The following PDZRN4 variants were observed in gnomAD, a reference collection of about 807,000 sequenced individuals.
The protein encoded by PDZRN4 is PDZ domain-containing RING finger protein 4.
In PDZRN4, 70 loss-of-function variants were observed where a neutral mutation model predicts 99.0. The observed-to-expected ratio is 0.71, with a 90% CI of 0.58 to 0.86. The LOEUF (loss-of-function observed/expected upper bound fraction) is 0.86, where lower values mean the gene tolerates loss of function less well. Among genes scored for constraint, PDZRN4 ranks in the 40% least tolerant of loss-of-function variants. The pLI is 0.00. For missense variants in PDZRN4, 1,474 were observed against 1,331.2 expected (o/e 1.11, Z -1.67); for synonymous variants, 551 against 501.6 (o/e 1.10, Z -1.32).
intron 5 of PDZRN4, among the ~76,000 whole-genome samples, chr12:41,543,872 C>T (rs1688650080): frequency 6.6e-6 from 1 of 152,128 alleles, no homozygotes; most frequent in Non-Finnish European, 1.5e-5. Context: ...ATAAAATGCA[C>T]TCATTAGCTA....
chr12:41,513,720 C>T (rs767652923), intron 5 of PDZRN4, among the ~76,000 whole-genome samples: 32 of 151,912 alleles, frequency 2.1e-4, no homozygotes, highest in African/African-American at 4.8e-4. Flanking sequence ...CCAACCTCTA[C>T]TAGAAATAAT....
chr12:41,369,266 C>T (rs1440581175), intron 3 of PDZRN4, among the ~76,000 whole-genome samples: 4 of 152,048 alleles, frequency 2.6e-5, no homozygotes, highest in Non-Finnish European at 5.9e-5. Flanking sequence ...TTCAGTTTCT[C>T]AGAATGGTAT....
chr12:41,479,843 T>C lies in PDZRN4; in HGVS notation c.844-26613T>C, dbSNP rs568286204. Among the ~76,000 whole-genome samples, 45 of 152,342 alleles carry C rather than the reference T, an allele frequency of 3.0e-4. 1 individual carries two copies. The South Asian group carries it at 9.1e-3, about 31-fold the overall frequency. On this transcript the variant is annotated intron_variant, in intron 3 of 9. Coordinates refer to ENST00000402685, the MANE Select transcript of PDZRN4 (RefSeq NM_001164595.2). ...TGTATGCACATATTAAAATACTTTT[T>C]ATCCTTAAAACCACTCATTTGATCC...
At chr12:41,500,164 G>A (rs997744309) in intron 3 of PDZRN4, among the ~76,000 whole-genome samples, 11 of 151,956 alleles carry the variant, frequency 7.2e-5, no homozygotes, top group African/African-American at 2.7e-4. Flanking sequence ...CTCTCTTATA[G>A]GGAACATTGT....
chr12:41,496,997 G>A (rs993184127), intron 3 of PDZRN4, among the ~76,000 whole-genome samples: 11 of 152,150 alleles, frequency 7.2e-5, no homozygotes, highest in East Asian at 1.9e-4. Context: ...TATGACAGAC[G>A]CCCTGTTGTT....
intron 3 of PDZRN4, among the ~76,000 whole-genome samples, chr12:41,280,431 C>G (rs1030351693): frequency 2.6e-5 from 4 of 152,160 alleles, no homozygotes; most frequent in South Asian, 2.1e-4. Flanking sequence ...GCGGATCCCA[C>G]CCCCATGGAG....
At chr12:41,289,512 G>A (rs1417263521) in intron 3 of PDZRN4, among the ~76,000 whole-genome samples, 2 of 152,114 alleles carry the variant, frequency 1.3e-5, no homozygotes, top group Non-Finnish European at 2.9e-5. Context: ...GGGACTATTA[G>A]CAGCAGCACA....
At chr12:41,217,491 T>G (rs750728840) in intron 3 of PDZRN4, among the ~76,000 whole-genome samples, 1 of 152,092 alleles carries the variant, frequency 6.6e-6, no homozygotes, top group Non-Finnish European at 1.5e-5. Context: ...GTGCTGTCAT[T>G]TTTTAACATG....
At chr12:41,535,974 T>C (rs1272548969) in intron 5 of PDZRN4, among the ~76,000 whole-genome samples, 3 of 152,072 alleles carry the variant, frequency 2.0e-5, no homozygotes, top group Non-Finnish European at 4.4e-5. Context: ...TTGGGAGGGG[T>C]CCTGTGTGTT....
chr12:41,342,895 G>A (rs1354527942), intron 3 of PDZRN4, among the ~76,000 whole-genome samples: 1 of 151,832 alleles, frequency 6.6e-6, no homozygotes, highest in Non-Finnish European at 1.5e-5. Context: ...ACATAGAAGA[G>A]ACAACTACAC....
intron 1 of PDZRN4, among the ~76,000 whole-genome samples, chr12:41,191,168 A>C (rs1350560571): frequency 1.3e-5 from 2 of 152,240 alleles, no homozygotes; most frequent in African/African-American, 4.8e-5. Flanking sequence ...AATCAGATTT[A>C]GATACTGCAT....
chr12:41,322,077 G>T (rs1951681833), intron 3 of PDZRN4, among the ~76,000 whole-genome samples: 1 of 152,004 alleles, frequency 6.6e-6, no homozygotes, highest in South Asian at 2.1e-4. Flanking sequence ...CTTCACCCAG[G>T]CTGCAGTGCA....
chr12:41,255,039 C>T (rs1444876440), intron 3 of PDZRN4, among the ~76,000 whole-genome samples: 2 of 152,086 alleles, frequency 1.3e-5, no homozygotes, highest in African/African-American at 4.8e-5. Flanking sequence ...CACACAACTG[C>T]CCTCCAGCAT....
At position 41,193,983 on chromosome 12, in the gene PDZRN4, T is replaced by C. The variant is rs1288415982; in HGVS notation, c.736-98T>C. 7.7e-6 allele frequency: 5 copies of C among 648,038 alleles called. No individual in the cohort carries two copies. In the East Asian group the frequency reaches 1.4e-4, roughly 18 times the overall value. The allele number at this position is 648,038 out of a possible 1,614,324, so 40.1% of individuals were successfully genotyped here. ...AATCCCCAGCTAAGAGAGTTGCAGG[T>C]TTACAGAGGATTGGTAATGTTACAT... On this transcript the variant is annotated intron_variant, in intron 2 of 9. Transcript: ENST00000402685.
chr12:41,390,157 G>A (rs1279569367), intron 3 of PDZRN4, among the ~76,000 whole-genome samples: 1 of 152,074 alleles, frequency 6.6e-6, no homozygotes, highest in African/African-American at 2.4e-5. Context: ...TTGACAAATT[G>A]TGTACTCTTA....
intron 3 of PDZRN4, among the ~76,000 whole-genome samples, chr12:41,246,045 T>C (rs1048721201): frequency 2.6e-5 from 4 of 151,866 alleles, no homozygotes; most frequent in African/African-American, 9.7e-5. Context: ...AAATTTAGGA[T>C]GGTAATTAAT....
At chr12:41,291,991 C>CA (rs1244868792) in intron 3 of PDZRN4, among the ~76,000 whole-genome samples, 1 of 152,132 alleles carries the variant, frequency 6.6e-6, no homozygotes, top group Non-Finnish European at 1.5e-5. Context: ...GGAAAACAGG[C>CA]TAAAGGATCT....
Position 41,327,983 on chromosome 12 carries a change from T to C in PDZRN4, c.843+133795T>C, listed in dbSNP as rs185128513. 1.3e-3 allele frequency among the ~76,000 whole-genome samples: 193 copies of C among 152,226 alleles called. 1 individual carries two copies. Among genetic ancestry groups the C allele is most frequent in the African/African-American group, 4.3e-3 (180 of 41,552 alleles). On this transcript the variant is annotated intron_variant, in intron 3 of 9. Transcript: ENST00000402685. ...TTTTTTGTTTATGCTGGGACATGGC[T>C]GATATTAGCAAAACTACACTAATGA...
chr12:41,444,522 G>A (rs1952707354), intron 3 of PDZRN4, among the ~76,000 whole-genome samples: 1 of 152,062 alleles, frequency 6.6e-6, no homozygotes, highest in Non-Finnish European at 1.5e-5. Flanking sequence ...CTCAGCATTG[G>A]CTTACTGGAG....
Sources: allele counts gnomAD v4.1 joint callset (sites outside exome capture counted in the v4.1 genomes callset), GRCh38; gene constraint gnomAD v4.1.1; transcripts MANE v1.5; gene names NCBI Gene and HGNC (gene_info 2026-07-23, HGNC 2026-07-21).